Variants in DOCK10 observed in about 807,000 individuals in gnomAD.
DOCK10 encodes dedicator of cytokinesis 10.
Under a neutral mutation model 280.1 loss-of-function variants are expected in DOCK10, and 145 were observed. The ratio of observed to expected loss-of-function variants is 0.52; its 90% CI spans 0.45 to 0.59. The LOEUF is 0.59. DOCK10 is among the 20% of genes least tolerant of loss of function. DOCK10 has a pLI of 0.00. For missense variants in DOCK10, 2,368 were observed against 2,651.7 expected, an observed-to-expected ratio of 0.89 and a Z score of 2.35; for synonymous variants, 915 against 942.2, an observed-to-expected ratio of 0.97 and a Z score of 0.53.
At chr2:224,888,199 T>C (rs1203131367) in intron 4 of DOCK10, among the ~76,000 whole-genome samples, 1 of 151,474 alleles carries the variant, frequency 6.6e-6, no homozygotes, top group African/African-American at 2.4e-5. Flanking sequence ...AAAGAGAATG[T>C]TTAATATATT....
intron 48 of DOCK10, 81 bp from the exon 49 acceptor site, chr2:224,787,478 C>T: frequency 1.9e-6 from 3 of 1,553,656 alleles, no homozygotes; most frequent in Non-Finnish European, 2.6e-6. Context: ...CAAGCTGTTG[C>T]ATTGTCAAAC....
In DOCK10 at chr2:225,029,036, C is replaced by T. The variant is rs1013100822; in HGVS notation, c.123+13216G>A. On this transcript the variant is annotated intron_variant, in intron 1 of 55. Transcript: ENST00000258390. ...ATTTCCATCTTATGATATGAAATTA[C>T]GTGTATTACAGATGGTGCACTGGGC... Among the ~76,000 whole-genome samples, 7 of 152,154 alleles carry T rather than the reference C, an allele frequency of 4.6e-5. 1 individual carries two copies. Among genetic ancestry groups the T allele is most frequent in the Admixed American group, 3.3e-4 (5 of 15,274 alleles).
rs1250596383 is a variant in DOCK10 at position 224,800,178 on chromosome 2, C to T, written c.4479G>A (p.Leu1493=). 1 of 1,610,138 alleles carries T rather than the reference C, an allele frequency of 6.2e-7. No individual in the cohort carries two copies. Among genetic ancestry groups the T allele is most frequent in the Non-Finnish European group, 8.5e-7 (1 of 1,177,312 alleles). ...ATEVCLTILD[L]LSLFTQTHQR... ...GATGAGTCTGTGTGAAGAGGGATAA[C>T]AGGTCCAGAATAGTGAGGCAAACCT... is the stretch of plus-strand genomic sequence containing the variant. The change falls in exon 41 of 56, where the codon CTG becomes CTA. Residue 1493 remains leucine, a synonymous_variant. Transcript: ENST00000258390.
intron 1 of DOCK10, among the ~76,000 whole-genome samples, chr2:224,997,410 T>G (rs1171197500): frequency 1.3e-5 from 2 of 152,152 alleles, no homozygotes; most frequent in African/African-American, 4.8e-5. Context: ...TTTTGTATTT[T>G]TAGTAGAGAT....
intron 20 of DOCK10, 23 bp downstream of exon 20, chr2:224,845,496 C>T (rs1396650834): frequency 4.4e-6 from 7 of 1,601,794 alleles, no homozygotes; most frequent in Non-Finnish European, 8.5e-7. Context: ...GTGACTCTGC[C>T]TCAGATTTCT....
chr2:224,865,200 C>G, intron 11 of DOCK10, 113 bp from the exon 12 acceptor site: 1 of 956,042 alleles, frequency 1.0e-6, no homozygotes, highest in Admixed American at 2.4e-5. Context: ...AGCAGGCAAG[C>G]TCCCCTTGAC....
chr2:224,874,328 T>A lies in DOCK10; in HGVS notation c.1039A>T (p.Thr347Ser). 6.2e-7 allele frequency: 1 copy of A among 1,612,568 alleles called. No individual in the cohort carries two copies. Among genetic ancestry groups the A allele is most frequent in the Non-Finnish European group, 8.5e-7 (1 of 1,179,294 alleles). The change falls in exon 10 of 56, where the codon ACT becomes TCT. Residue 347 changes from threonine (T) to serine (S), a missense_variant. Coordinates refer to ENST00000258390, the MANE Select transcript of DOCK10 (RefSeq NM_014689.3). ...FAKYLTETED[T>S]VKTTRNMERL... Reference sequence around the variant, plus strand: ...TCCATGTTTCGAGTTGTTTTTACAGTATCTTCTGTTTCTGTGAGGTACTAC... The same window carrying A: ...TCCATGTTTCGAGTTGTTTTTACAGAATCTTCTGTTTCTGTGAGGTACTAC...
chr2:224,773,478 C>T (rs1033811922), intron 52 of DOCK10, 131 bp from the exon 53 acceptor site: 22 of 781,934 alleles, frequency 2.8e-5, no homozygotes, highest in Admixed American at 5.6e-5. Context: ...GCTTTTCATG[C>T]ATGGGAGTTA....
chr2:224,847,407 A>C (rs998567864), intron 19 of DOCK10, among the ~76,000 whole-genome samples: 1 of 152,130 alleles, frequency 6.6e-6, no homozygotes, highest in African/African-American at 2.4e-5. Flanking sequence ...TTTGCATTGG[A>C]ACTCCGGTAA....
chr2:225,025,288 A>T (rs1232987709), intron 1 of DOCK10, among the ~76,000 whole-genome samples: 1 of 152,166 alleles, frequency 6.6e-6, no homozygotes, highest in Non-Finnish European at 1.5e-5. Context: ...CATAAGGGGT[A>T]CTTGAAGGTG....
At chr2:225,032,529 T>C (rs1690109239) in intron 1 of DOCK10, among the ~76,000 whole-genome samples, 1 of 152,180 alleles carries the variant, frequency 6.6e-6, no homozygotes, top group Non-Finnish European at 1.5e-5. Context: ...TTTTTTTCAC[T>C]TCAGAATAAA....
intron 48 of DOCK10, 146 bp from the exon 49 acceptor site, chr2:224,787,543 G>A: frequency 9.9e-7 from 1 of 1,006,728 alleles, no homozygotes; most frequent in African/African-American, 1.6e-5. Flanking sequence ...GTGTCATCTT[G>A]GATTCTTGCC....
At chr2:224,842,004 A>G in intron 22 of DOCK10, 108 bp from the exon 23 acceptor site, 1 of 782,360 alleles carries the variant, frequency 1.3e-6, no homozygotes, top group Admixed American at 2.0e-5. Context: ...GATGCCTCGA[A>G]GTGCAAATGC....
intron 3 of DOCK10, among the ~76,000 whole-genome samples, chr2:224,913,718 G>A (rs1237099787): frequency 6.0e-5 from 9 of 150,450 alleles, no homozygotes; most frequent in East Asian, 5.9e-4. Flanking sequence ...TTGTTTGTCT[G>A]TTTATTTATT....
chr2:224,984,021 GT>G (rs1705886289), intron 1 of DOCK10, among the ~76,000 whole-genome samples: 1 of 152,192 alleles, frequency 6.6e-6, no homozygotes, highest in Non-Finnish European at 1.5e-5. Flanking sequence ...AAAGGGCAGA[GT>G]GGGCTCCTCT....
intron 21 of DOCK10, 117 bp from the exon 22 acceptor site, chr2:224,844,956 G>T: frequency 1.2e-6 from 1 of 854,160 alleles, no homozygotes; most frequent in Non-Finnish European, 1.9e-6. Flanking sequence ...TCAGCTACAG[G>T]TGGAAAATAA....
intron 3 of DOCK10, among the ~76,000 whole-genome samples, chr2:224,907,224 A>T (rs1301739062): frequency 6.6e-6 from 1 of 152,196 alleles, no homozygotes; most frequent in East Asian, 1.9e-4. Flanking sequence ...GACATTTATG[A>T]TCATTGTTAA....
At position 224,985,309 on chromosome 2, in the gene DOCK10, C is replaced by T. The variant is rs553030057; in HGVS notation, c.124-53641G>A. Among the ~76,000 whole-genome samples, 7 of 151,912 alleles carry T rather than the reference C, an allele frequency of 4.6e-5. No homozygotes were observed. In the East Asian group the frequency reaches 1.3e-3, roughly 29 times the overall value. On this transcript the variant is annotated intron_variant, in intron 1 of 55. Coordinates refer to ENST00000258390, the MANE Select transcript of DOCK10 (RefSeq NM_014689.3). ...ATAATGTCACTAACAATTCGTAAGG[C>T]TAAATTTTCCAAAGAAGTGTTGGAA...
chr2:224,869,581 C>T lies in DOCK10; in HGVS notation c.1257+4415G>A, dbSNP rs569684720. Among the ~76,000 whole-genome samples the T allele has an allele frequency of 1.6e-3, 249 of 152,232 alleles. 1 individual carries two copies. Among genetic ancestry groups the T allele is most frequent in the Middle Eastern group, 0.014 (4 of 294 alleles). On this transcript the variant is annotated intron_variant, in intron 11 of 55. Transcript: ENST00000258390. ...TATTTTTTGTGTTATTGCTTATAGG[C>T]ACAATGAAATTATTTTTCTAAAGTA... is the stretch of plus-strand genomic sequence containing the variant.
Sources: allele counts gnomAD v4.1 joint callset (sites outside exome capture counted in the v4.1 genomes callset), GRCh38; gene constraint gnomAD v4.1.1; transcripts MANE v1.5; gene names NCBI Gene and HGNC (gene_info 2026-07-23, HGNC 2026-07-21).